The following MTHFD1L variants were observed in gnomAD, a reference collection of about 807,000 sequenced individuals.
The protein encoded by MTHFD1L is methylenetetrahydrofolate dehydrogenase (NADP+ dependent) 1 like.
A neutral mutation model predicts 119.5 loss-of-function variants in MTHFD1L; 81 were observed. The observed-to-expected ratio is 0.68, with a 90% CI of 0.57 to 0.82. The LOEUF (loss-of-function observed/expected upper bound fraction) is 0.82. Among genes scored for constraint, MTHFD1L ranks in the 40% least tolerant of loss-of-function variants. The probability of loss-of-function intolerance (pLI) is 0.00; values close to 1 mark genes in which losing one functional copy is unlikely to be tolerated. For synonymous variants in MTHFD1L, 430 were observed against 475.2 expected, an observed-to-expected ratio of 0.90 and a Z score of 1.24; for missense variants, 1,125 against 1,253.4, an observed-to-expected ratio of 0.90 and a Z score of 1.55.
chr6:151,035,753 A>G (rs1246695460), intron 25 of MTHFD1L, among the ~76,000 whole-genome samples: 2 of 152,212 alleles, frequency 1.3e-5, no homozygotes, highest in African/African-American at 2.4e-5. Flanking sequence ...CAGTGTTAAA[A>G]TGGTATTTCT....
chr6:150,915,596 TTTTTTTCTTTTTTAGA>T (rs1487242822), intron 8 of MTHFD1L, among the ~76,000 whole-genome samples: 1 of 152,152 alleles, frequency 6.6e-6, no homozygotes, highest in Non-Finnish European at 1.5e-5. Flanking sequence ...TTCTTTTTTC[TTTTTTTCTTTTTTAGA>T]TTTTTTGAGA....
intron 20 of MTHFD1L, among the ~76,000 whole-genome samples, chr6:150,994,064 T>TA (rs746589557): frequency 0.041 from 3,067 of 74,106 alleles, 225 homozygotes; most frequent in African/African-American, 0.15. Flanking sequence ...ACAACAACAG[T>TA]AAAAAAAAAA....
intron 16 of MTHFD1L, among the ~76,000 whole-genome samples, chr6:150,955,766 C>G (rs529492449): frequency 1.7e-4 from 26 of 152,186 alleles, no homozygotes; most frequent in Non-Finnish European, 2.8e-4. Context: ...TCCCAAAGTG[C>G]TGGGATTACA....
chr6:151,057,798 A>G lies in MTHFD1L; in HGVS notation c.2847+20681A>G, dbSNP rs181955001. Among the ~76,000 whole-genome samples, 329 of 152,164 alleles carry G rather than the reference A, an allele frequency of 2.2e-3. 2 individuals are homozygous for G. The highest frequency in any genetic ancestry group is 7.3e-3 in the African/African-American group (303 of 41,474). ...GCATGACCTTTTGTTTGTTTGTTTG[A>G]GACGGAGTCTGGCTCTGTGGCCCAG... On this transcript the variant is annotated intron_variant, in intron 26 of 27. Coordinates refer to ENST00000367321, the MANE Select transcript of MTHFD1L (RefSeq NM_015440.5).
chr6:151,045,617 C>A (rs1234198456), intron 26 of MTHFD1L, among the ~76,000 whole-genome samples: 2 of 152,186 alleles, frequency 1.3e-5, no homozygotes, highest in Non-Finnish European at 2.9e-5. Context: ...TCCCCATGAG[C>A]CTGTCCTCTC....
At chr6:150,965,406 A>G (rs1229337705) in intron 19 of MTHFD1L, among the ~76,000 whole-genome samples, 1 of 152,142 alleles carries the variant, frequency 6.6e-6, no homozygotes, top group African/African-American at 2.4e-5. Flanking sequence ...CATGCCTGTA[A>G]TCCCAGCACT....
intron 13 of MTHFD1L, among the ~76,000 whole-genome samples, chr6:150,941,969 C>T (rs1793193566): frequency 6.6e-6 from 1 of 151,996 alleles, no homozygotes; most frequent in African/African-American, 2.4e-5. Flanking sequence ...ACATTAAAAC[C>T]ACTATCAGGC....
intron 20 of MTHFD1L, among the ~76,000 whole-genome samples, chr6:151,008,367 A>G (rs1166751481): frequency 6.6e-6 from 1 of 152,210 alleles, no homozygotes; most frequent in Non-Finnish European, 1.5e-5. Flanking sequence ...TTTCATAAAC[A>G]TTTACTTTGT....
At chr6:150,916,217 G>T (rs1362038794) in intron 8 of MTHFD1L, among the ~76,000 whole-genome samples, 4 of 151,016 alleles carry the variant, frequency 2.6e-5, no homozygotes, top group African/African-American at 9.7e-5. Flanking sequence ...TCTAAGGGAG[G>T]ATGCAGGCTA....
intron 7 of MTHFD1L, among the ~76,000 whole-genome samples, chr6:150,892,734 C>T (rs758961767): frequency 3.1e-4 from 47 of 152,318 alleles, no homozygotes; most frequent in African/African-American, 8.4e-4. Context: ...CATACTTCCC[C>T]GTAACCCATA....
At chr6:150,945,647 A>T in intron 15 of MTHFD1L, 106 bp downstream of exon 15, 2 of 1,097,024 alleles carry the variant, frequency 1.8e-6, no homozygotes, top group Non-Finnish European at 2.7e-6. Context: ...TGGTTTTCAG[A>T]TATCCTTTTG....
At chr6:150,967,167 C>T (rs1797335229) in intron 19 of MTHFD1L, among the ~76,000 whole-genome samples, 3 of 152,202 alleles carry the variant, frequency 2.0e-5, no homozygotes, top group Admixed American at 1.3e-4. Flanking sequence ...TCACTGGGGT[C>T]TCCATGTTAA....
At chr6:150,883,032 A>G (rs1781618466) in intron 5 of MTHFD1L, 146 bp downstream of exon 5, 2 of 872,224 alleles carry the variant, frequency 2.3e-6, no homozygotes, top group East Asian at 3.6e-5. Flanking sequence ...TCAGGAGTCT[A>G]TAGGATTTTT....
chr6:150,900,603 T>C (rs112332789), intron 7 of MTHFD1L, among the ~76,000 whole-genome samples: 8 of 152,350 alleles, frequency 5.3e-5, no homozygotes, highest in African/African-American at 1.9e-4. Context: ...AGTATCTTGC[T>C]TTTCCTCCTA....
intron 26 of MTHFD1L, among the ~76,000 whole-genome samples, chr6:151,090,716 C>T (rs1296603709): frequency 2.0e-5 from 3 of 152,280 alleles, no homozygotes; most frequent in Admixed American, 2.0e-4. Flanking sequence ...TGGCACATCG[C>T]AGCCTCATCT....
intron 24 of MTHFD1L, among the ~76,000 whole-genome samples, chr6:151,019,998 A>G (rs1489046895): frequency 2.6e-5 from 4 of 152,200 alleles, no homozygotes; most frequent in Admixed American, 2.6e-4. Flanking sequence ...GCAGTGAGAA[A>G]GATATGGCAT....
chr6:151,091,667 C>T (rs1156705928), intron 26 of MTHFD1L, among the ~76,000 whole-genome samples: 5 of 152,096 alleles, frequency 3.3e-5, no homozygotes, highest in Non-Finnish European at 7.4e-5. Context: ...TGCTGGGAAG[C>T]TCAATGAGAT....
At chr6:151,051,324 C>T (rs1195918204) in intron 26 of MTHFD1L, among the ~76,000 whole-genome samples, 1 of 152,148 alleles carries the variant, frequency 6.6e-6, no homozygotes, top group Non-Finnish European at 1.5e-5. Flanking sequence ...CCACATTTTC[C>T]GCCCATGCAC....
At chr6:150,922,001 T>C (rs968400344) in intron 9 of MTHFD1L, among the ~76,000 whole-genome samples, 1 of 152,238 alleles carries the variant, frequency 6.6e-6, no homozygotes, top group African/African-American at 2.4e-5. Context: ...TATATCTAAC[T>C]AGTGGTTTTC....
Sources: allele counts gnomAD v4.1 joint callset (sites outside exome capture counted in the v4.1 genomes callset), GRCh38; gene constraint gnomAD v4.1.1; transcripts MANE v1.5; gene names NCBI Gene and HGNC (gene_info 2026-07-23, HGNC 2026-07-21).